Variants in ISOC2 observed in about 807,000 individuals in gnomAD.
The protein encoded by ISOC2 is isochorismatase domain containing 2.
In ISOC2, 15 loss-of-function variants were observed where a neutral mutation model predicts 19.3. That is an observed-to-expected ratio of 0.78 (90% CI 0.52 to 1.20). ISOC2 has a LOEUF of 1.20. Among genes scored for constraint, ISOC2 ranks in the 50% most tolerant of loss-of-function variants. The pLI is 0.00. For missense variants in ISOC2, 285 were observed against 272.4 expected, an observed-to-expected ratio of 1.05 and a Z score of -0.33; for synonymous variants, 106 against 115.8, an observed-to-expected ratio of 0.92 and a Z score of 0.54.
At position 55,453,263 on chromosome 19, in the gene ISOC2, T is replaced by G. The variant is rs775195841; in HGVS notation, c.*45A>C. The stretch of plus-strand genomic sequence containing the variant: ...TGGGGGGAACGGGCTTCCACTGAGG[T>G]CCGGGTGACAGGAGGGTGGTCTTCC... On this transcript the variant is annotated 3_prime_UTR_variant, in exon 6 of 6. Transcript: ENST00000425675. 34 of 1,442,682 alleles carry G rather than the reference T, an allele frequency of 2.4e-5. No homozygotes were observed. Among genetic ancestry groups the G allele is most frequent in the Non-Finnish European group, 2.8e-5 (29 of 1,048,056 alleles). The allele number at this position is 1,442,682 out of a possible 1,614,324, so 89.4% of individuals were successfully genotyped here.
intron 5 of ISOC2, 21 bp downstream of exon 5, chr19:55,454,968 G>T: frequency 6.5e-7 from 1 of 1,535,772 alleles, no homozygotes. Context: ...GGGGAGGTGG[G>T]GGCGGCCAGG....
At chr19:55,460,205 G>A (rs567751282) in intron 1 of ISOC2, among the ~76,000 whole-genome samples, 15 of 152,214 alleles carry the variant, frequency 9.9e-5, no homozygotes, top group African/African-American at 3.6e-4. Flanking sequence ...GTTATTCCTC[G>A]CAGCCAGAAA....
At position 55,453,272 on chromosome 19, in the gene ISOC2, C is replaced by G. The variant is rs936265757; in HGVS notation, c.*36G>C. ...CGGGCTTCCACTGAGGTCCGGGTGA[C>G]AGGAGGGTGGTCTTCCCTCAAGGCA... is the stretch of plus-strand genomic sequence containing the variant. On this transcript the variant is annotated 3_prime_UTR_variant, in exon 6 of 6. Transcript: ENST00000425675. 7.3e-6 allele frequency: 11 copies of G among 1,512,480 alleles called. No homozygotes were observed. The highest frequency in any genetic ancestry group is 9.0e-6 in the Non-Finnish European group (10 of 1,105,026). 93.7% of individuals were successfully genotyped at this position (1,512,480 alleles called of 1,614,324 possible).
chr19:55,456,918 C>T (rs1353961761), intron 1 of ISOC2, among the ~76,000 whole-genome samples: 1 of 152,126 alleles, frequency 6.6e-6, no homozygotes, highest in Non-Finnish European at 1.5e-5. Flanking sequence ...AGTCACCATC[C>T]GCCCTGGTCA....
chr19:55,455,800 G>A lies in ISOC2; in HGVS notation c.184C>T (p.Pro62Ser). The change falls in exon 3 of 6, where the codon CCA (proline) becomes TCA (serine). Residue 62 changes from proline (P) to serine (S), a missense_variant. Transcript: ENST00000425675. ...GGCACCGTGGGGCCCAGGCCTTGTG[G>A]GTACTGCTCCGTCAGCATGACTGGC... ...EVPVMLTEQY[P>S]QGLGPTVPEL... The A allele has an allele frequency of 6.4e-7, 1 of 1,559,862 alleles. No homozygotes were observed. The highest frequency in any genetic ancestry group is 8.7e-7 in the Non-Finnish European group (1 of 1,151,844).
At chr19:55,458,931 T>C (rs913345588) in intron 1 of ISOC2, among the ~76,000 whole-genome samples, 7 of 152,038 alleles carry the variant, frequency 4.6e-5, no homozygotes, top group African/African-American at 1.7e-4. Context: ...TTGGCCTCCC[T>C]GTACTATTTT....
chr19:55,456,856 T>C (rs1435244339), intron 1 of ISOC2, among the ~76,000 whole-genome samples: 2 of 151,898 alleles, frequency 1.3e-5, no homozygotes, highest in African/African-American at 4.8e-5. Flanking sequence ...TTACTATCAG[T>C]CCCGGTTACC....
intron 3 of ISOC2, 24 bp downstream of exon 3, chr19:55,455,612 C>T (rs1425656873): frequency 3.9e-6 from 6 of 1,551,816 alleles, no homozygotes; most frequent in Non-Finnish European, 4.4e-6. Context: ...AACGAGGGAC[C>T]CCTGGGGTCA....
Position 55,453,257 on chromosome 19 carries a change from CTGA to C in ISOC2, c.*48_*50del. On this transcript the variant is annotated 3_prime_UTR_variant, in exon 6 of 6. Transcript: ENST00000425675. ...CAGGGATGGGGGGAACGGGCTTCCA[CTGA>C]GGTCCGGGTGACAGGAGGGTGGTCT... 2 of 1,399,742 alleles carry C rather than the reference CTGA, an allele frequency of 1.4e-6. No individual in the cohort carries two copies. Among genetic ancestry groups the C allele is most frequent in the East Asian group, 4.9e-5 (2 of 40,784 alleles). The allele number at this position is 1,399,742 out of a possible 1,614,324, so 86.7% of individuals were successfully genotyped here. A position where few individuals can be genotyped will look rare whatever the true frequency, so the allele number is the denominator to read the frequency against.
Position 55,453,252 on chromosome 19 carries a change from T to C in ISOC2, c.*56A>G. ...GGATCCAGGGATGGGGGGAACGGGCTTCCACTGAGGTCCGGGTGACAGGAG... is the reference window on the plus strand; with the variant it reads ...GGATCCAGGGATGGGGGGAACGGGCCTCCACTGAGGTCCGGGTGACAGGAG... On this transcript the variant is annotated 3_prime_UTR_variant, in exon 6 of 6. Transcript: ENST00000425675. 2 of 1,325,186 alleles carry C rather than the reference T, an allele frequency of 1.5e-6. No individual in the cohort carries two copies. Among genetic ancestry groups the C allele is most frequent in the Non-Finnish European group, 2.1e-6 (2 of 951,478 alleles). 82.1% of individuals were successfully genotyped at this position (1,325,186 alleles called of 1,614,324 possible).
intron 1 of ISOC2, among the ~76,000 whole-genome samples, chr19:55,457,804 C>T (rs1986107847): frequency 7.0e-6 from 1 of 142,782 alleles, no homozygotes; most frequent in Admixed American, 7.2e-5. Flanking sequence ...CCAGTCCAGC[C>T]TGGACAATAA....
At chr19:55,458,773 G>C (rs1290380160) in intron 1 of ISOC2, among the ~76,000 whole-genome samples, 2 of 151,730 alleles carry the variant, frequency 1.3e-5, no homozygotes, top group African/African-American at 4.8e-5. Context: ...TGATCCACCC[G>C]CCTCAGTCTC....
chr19:55,453,275 G>C lies in ISOC2; in HGVS notation c.*33C>G. On this transcript the variant is annotated 3_prime_UTR_variant, in exon 6 of 6. Coordinates refer to ENST00000425675, the MANE Select transcript of ISOC2 (RefSeq NM_001136201.2). ...GCTTCCACTGAGGTCCGGGTGACAG[G>C]AGGGTGGTCTTCCCTCAAGGCAGGG... is the stretch of plus-strand genomic sequence containing the variant. 1.3e-6 allele frequency: 2 copies of C among 1,527,948 alleles called. No homozygotes were observed. Among genetic ancestry groups the C allele is most frequent in the Non-Finnish European group, 1.8e-6 (2 of 1,116,090 alleles). 94.6% of individuals were successfully genotyped at this position (1,527,948 alleles called of 1,614,324 possible). A position where few individuals can be genotyped will look rare whatever the true frequency, so the allele number is the denominator to read the frequency against.
At position 55,455,338 on chromosome 19, in the gene ISOC2, TAG is replaced by T. The variant is rs768371819; in HGVS notation, c.349-10_349-9del. 1.9e-6 allele frequency: 3 copies of T among 1,613,464 alleles called. No homozygotes were observed. Among genetic ancestry groups the T allele is most frequent in the South Asian group, 2.2e-5 (2 of 91,050 alleles). ...GAGGTCCAGGGTCGTGTTCTGTGGG[TAG>T]AGAGAGGTCAGGGCCAACCCCGGAT... On this transcript the variant is annotated splice_polypyrimidine_tract_variant and intron_variant, in intron 3 of 5. Transcript: ENST00000425675.
rs3214450 is a variant in ISOC2, at chr19:55,453,179, G to GCCCCCCCCCC, written c.*128_*129insGGGGGGGGGG. The GCCCCCCCCCC allele has an allele frequency of 3.7e-6, 2 of 539,604 alleles. No homozygotes were observed. Among genetic ancestry groups the GCCCCCCCCCC allele is most frequent in the South Asian group, 2.9e-5 (1 of 34,260 alleles). 33.4% of individuals were successfully genotyped at this position (539,604 alleles called of 1,614,324 possible). On this transcript the variant is annotated 3_prime_UTR_variant, in exon 6 of 6. Transcript: ENST00000425675. ...CTGTCCAATGGGAAGGCAGCACCCT[G>GCCCCCCCCCC]CCCCCCCCACAAGGGGGCGGCACTC...
Position 55,457,918 on chromosome 19 carries a change from G to A in ISOC2, c.-3-1429C>T, listed in dbSNP as rs564767311. On this transcript the variant is annotated intron_variant, in intron 1 of 5. Transcript: ENST00000425675. ...GAATTCAGGTTGACTGCTGGGGGGT[G>A]TAGTTTTCAGTTTGGGATGGTGAAA... Among the ~76,000 whole-genome samples, 284 of 152,074 alleles carry A rather than the reference G, an allele frequency of 1.9e-3. 2 individuals carry two copies. Among genetic ancestry groups the A allele is most frequent in the African/African-American group, 6.1e-3 (255 of 41,478 alleles).
chr19:55,460,911 G>A (rs1986215105), intron 1 of ISOC2, among the ~76,000 whole-genome samples: 1 of 151,774 alleles, frequency 6.6e-6, no homozygotes, highest in East Asian at 1.9e-4. Context: ...GGGGAAAGTC[G>A]GGGAGAAAGG....
intron 1 of ISOC2, among the ~76,000 whole-genome samples, chr19:55,458,733 G>A (rs1185100249): frequency 2.6e-5 from 4 of 151,744 alleles, no homozygotes; most frequent in South Asian, 2.1e-4. Flanking sequence ...TCACCATGTT[G>A]GCCAGGCTGG....
At chr19:55,461,340 C>T (rs1326962402) in intron 1 of ISOC2, among the ~76,000 whole-genome samples, 172 bp downstream of exon 1, 2 of 152,172 alleles carry the variant, frequency 1.3e-5, no homozygotes, top group Non-Finnish European at 2.9e-5. Flanking sequence ...GCGGCAGGCG[C>T]GACCCGGGGA....
Sources: allele counts gnomAD v4.1 joint callset (sites outside exome capture counted in the v4.1 genomes callset), GRCh38; gene constraint gnomAD v4.1.1; transcripts MANE v1.5; gene names NCBI Gene and HGNC (gene_info 2026-07-23, HGNC 2026-07-21).